EFEMP1: variants seen among roughly 807,000 people sequenced by gnomAD.
EFEMP1 encodes the protein EGF-like fibulin extracellular matrix protein 1, also known as EGF-containing fibulin-like extracellular matrix protein 1.
In EFEMP1, 18 loss-of-function variants were observed where a neutral mutation model predicts 65.7. The ratio of observed to expected loss-of-function variants is 0.27; its 90% confidence interval spans 0.19 to 0.41. EFEMP1 has a LOEUF of 0.41. Ranked by LOEUF, EFEMP1 falls within the 10% of genes least tolerant of loss-of-function variation. EFEMP1 has a pLI of 1.00. For missense variants in EFEMP1, 469 were observed against 624.8 expected, an observed-to-expected ratio of 0.75 and a Z score of 2.66; for synonymous variants, 237 against 219.7, an observed-to-expected ratio of 1.08 and a Z score of -0.70.
At chr2:55,874,839 A>T (rs895597034) in intron 9 of EFEMP1, 107 bp downstream of exon 9, 1 of 1,244,334 alleles carries the variant, frequency 8.0e-7, no homozygotes, top group African/African-American at 1.5e-5. Flanking sequence ...TAAATTGTAT[A>T]TTGAAAGTGG....
At chr2:55,915,101 A>G (rs1201427809) in intron 5 of EFEMP1, among the ~76,000 whole-genome samples, 1 of 152,224 alleles carries the variant, frequency 6.6e-6, no homozygotes, top group Non-Finnish European at 1.5e-5. Flanking sequence ...TTTATCAACA[A>G]TTAAGTAAAT....
chr2:55,917,865 C>A lies in EFEMP1; in HGVS notation c.317G>T (p.Ser106Ile), dbSNP rs749910886. 5.0e-6 allele frequency: 8 copies of A among 1,614,140 alleles called. No individual in the cohort carries two copies. In the East Asian group the frequency reaches 1.8e-4, roughly 36 times the overall value. The change falls in exon 5 of 12, where the codon AGC becomes ATC. Residue 106 changes from serine (S) to isoleucine (I), a missense_variant. Physicochemically the swap from Ser to Ile is moderately radical, Grantham distance 142. This residue lies in a region of EFEMP1 where 399 missense variants were observed against 528.2 expected (regional missense o/e 0.76). Coordinates refer to ENST00000355426, the MANE Select transcript of EFEMP1 (RefSeq NM_001039348.3). The surrounding 1 kb of genome is among the most constrained non-coding windows in gnomAD (Gnocchi z 6.3). ...GATTGVVAAS[S>I]MATSGVLPGG... ...GGGCAACACTCCACTGGTTGCCATG[C>A]TGCTGGCAGCTACAACCCCGGTGGT...
At chr2:55,891,291 A>C (rs1054891362) in intron 5 of EFEMP1, among the ~76,000 whole-genome samples, 2 of 152,084 alleles carry the variant, frequency 1.3e-5, no homozygotes, top group African/African-American at 2.4e-5. Flanking sequence ...TCCCAGCAGG[A>C]GGTGGGGGAT....
Position 55,917,741 on chromosome 2 carries a change from C to T in EFEMP1, c.441G>A (p.Gln147=). ...GGTGGGAAGGGTTGGAGGGAATGCG[C>T]TGAGGGTCAGCTGGGTTCCGCCGGA... is the stretch of plus-strand genomic sequence containing the variant. ...FVIRRNPADP[Q]RIPSNPSHRI... The change falls in exon 5 of 12, where the codon CAG becomes CAA. Residue 147 remains glutamine (Q), a synonymous_variant. Transcript: ENST00000355426. This position sits in a 1 kb window ranked among gnomAD's most constrained non-coding sequence, Gnocchi z 6.3. 1 of 1,614,202 alleles carries T rather than the reference C, an allele frequency of 6.2e-7. No homozygotes were observed. The highest frequency in any genetic ancestry group is 8.5e-7 in the Non-Finnish European group (1 of 1,180,030).
chr2:55,910,653 A>G (rs540410529), intron 5 of EFEMP1, among the ~76,000 whole-genome samples: 5 of 152,270 alleles, frequency 3.3e-5, no homozygotes, highest in African/African-American at 7.2e-5. Flanking sequence ...TCTTGCTTCA[A>G]TGGGGAGGAG....
At chr2:55,893,428 A>G (rs2104411905) in intron 5 of EFEMP1, among the ~76,000 whole-genome samples, 1 of 152,290 alleles carries the variant, frequency 6.6e-6, no homozygotes, top group East Asian at 1.9e-4. Flanking sequence ...TGCTTGAGAC[A>G]GAAGGGTGGG....
intron 5 of EFEMP1, among the ~76,000 whole-genome samples, chr2:55,895,299 T>G (rs1214828707): frequency 6.6e-6 from 1 of 152,238 alleles, no homozygotes; most frequent in Non-Finnish European, 1.5e-5. Flanking sequence ...GTTCCATACA[T>G]AAAATTGTCT....
intron 7 of EFEMP1, 47 bp from the exon 8 acceptor site, chr2:55,876,789 CA>C (rs1669054018): frequency 1.8e-6 from 2 of 1,141,106 alleles, no homozygotes; most frequent in Admixed American, 2.2e-5. Context: ...TATATATATA[CA>C]CACACATATA....
At chr2:55,875,335 T>TACACACACACAC (rs768780443) in intron 8 of EFEMP1, among the ~76,000 whole-genome samples, 5 of 125,396 alleles carry the variant, frequency 4.0e-5, no homozygotes, top group African/African-American at 1.6e-4. Context: ...GTTTCATATA[T>TACACACACACAC]ACACACACAC....
At chr2:55,904,719 C>G (rs1443503744) in intron 5 of EFEMP1, among the ~76,000 whole-genome samples, 2 of 152,184 alleles carry the variant, frequency 1.3e-5, no homozygotes, top group African/African-American at 2.4e-5. Context: ...CTCCCACACC[C>G]TTTTTAGCCC....
chr2:55,901,636 T>C (rs561400799), intron 5 of EFEMP1, among the ~76,000 whole-genome samples: 1 of 152,296 alleles, frequency 6.6e-6, no homozygotes, highest in Non-Finnish European at 1.5e-5. Context: ...CATTTAAAAT[T>C]CTAGGTTTAA....
chr2:55,899,622 T>C (rs1037431848), intron 5 of EFEMP1, among the ~76,000 whole-genome samples: 1 of 152,204 alleles, frequency 6.6e-6, no homozygotes, highest in African/African-American at 2.4e-5. Flanking sequence ...CTAGCAAGAA[T>C]TGACCAGAAA....
rs192224302 is a variant in EFEMP1, at chr2:55,877,570, C to G, written c.760+176G>C. On this transcript the variant is annotated intron_variant, in intron 7 of 11. Coordinates refer to ENST00000355426, the MANE Select transcript of EFEMP1 (RefSeq NM_001039348.3). The surrounding 1 kb of genome is among the most constrained non-coding windows in gnomAD (Gnocchi z 4.5). ...AACCAAAGTTAAAAAGTTTTCTGTT[C>G]ACATCTTGATGTGTTTTAAGACACA... Among the ~76,000 whole-genome samples, 4 of 152,266 alleles carry G rather than the reference C, an allele frequency of 2.6e-5. No individual in the cohort carries two copies. The highest frequency in any genetic ancestry group is 9.6e-5 in the African/African-American group (4 of 41,548).
intron 11 of EFEMP1, among the ~76,000 whole-genome samples, chr2:55,869,668 T>G (rs1267019404): frequency 6.6e-6 from 1 of 152,158 alleles, no homozygotes; most frequent in Non-Finnish European, 1.5e-5. Context: ...CCAATTTAAT[T>G]CATATTCTCA....
At position 55,923,726 on chromosome 2, in the gene EFEMP1, G is replaced by A. The variant is rs3762516; in HGVS notation, c.-64C>T. 3.3e-4 allele frequency: 326 copies of A among 985,748 alleles called. 8 individuals carry two copies. In the East Asian group the frequency reaches 0.014, roughly 41 times the overall value. 61.1% of individuals were successfully genotyped at this position (985,748 alleles called of 1,614,324 possible). On this transcript the variant is annotated 5_prime_UTR_variant, in exon 1 of 12. Coordinates refer to ENST00000355426, the MANE Select transcript of EFEMP1 (RefSeq NM_001039348.3). This position sits in a 1 kb window ranked among gnomAD's most constrained non-coding sequence, Gnocchi z 5.3. ...GGGCTCCTACCTGTGCGGCCGCGCT[G>A]CGCTCCGGGCCCGGGCAGCGAGGGG...
At position 55,903,597 on chromosome 2, in the gene EFEMP1, A is replaced by C. The variant is rs181705590; in HGVS notation, c.517+14068T>G. On this transcript the variant is annotated intron_variant, in intron 5 of 11. Transcript: ENST00000355426. ...ACTGATATGTTCATTAATATTTGAG[A>C]AGCACTAATCTATAATGCATAACAC... Among the ~76,000 whole-genome samples the C allele has an allele frequency of 6.6e-5, 10 of 152,310 alleles. No homozygotes were observed. The South Asian group carries it at 1.0e-3, about 16-fold the overall frequency.
chr2:55,874,301 A>T (rs1053321046), intron 9 of EFEMP1, among the ~76,000 whole-genome samples: 4 of 150,188 alleles, frequency 2.7e-5, no homozygotes, highest in African/African-American at 9.7e-5. Flanking sequence ...ACTACATGCA[A>T]CATTGGAGGT....
chr2:55,912,199 G>T (rs1247120731), intron 5 of EFEMP1, among the ~76,000 whole-genome samples: 1 of 151,776 alleles, frequency 6.6e-6, no homozygotes, highest in African/African-American at 2.4e-5. Context: ...TCTTCCTTTT[G>T]CAAAATATCT....
At chr2:55,907,739 A>G (rs1288552422) in intron 5 of EFEMP1, among the ~76,000 whole-genome samples, 1 of 152,182 alleles carries the variant, frequency 6.6e-6, no homozygotes, top group East Asian at 1.9e-4. Context: ...GTTGGACCCC[A>G]TGAGTTGTTT....
Sources: allele counts gnomAD v4.1 joint callset (sites outside exome capture counted in the v4.1 genomes callset), GRCh38; gene constraint gnomAD v4.1.1; regional missense constraint gnomAD v4.1.1; non-coding constraint Gnocchi (gnomAD v3.1); transcripts MANE v1.5; gene names NCBI Gene and HGNC (gene_info 2026-07-23, HGNC 2026-07-21).